DAP3: variants seen among roughly 807,000 people sequenced by gnomAD.
The protein encoded by DAP3 is death associated protein 3, also known as small ribosomal subunit protein mS29.
Under a neutral mutation model 51.9 loss-of-function variants are expected in DAP3, and 28 were observed. The observed-to-expected ratio is 0.54, with a 90% CI of 0.40 to 0.74. The LOEUF (loss-of-function observed/expected upper bound fraction) is 0.74. Ranked by LOEUF, DAP3 falls within the 30% of genes least tolerant of loss-of-function variation. The pLI is 0.00. For missense variants in DAP3, 458 were observed against 483.5 expected (o/e 0.95, Z 0.49); for synonymous variants, 170 against 170.3 (o/e 1.00, Z 0.01).
At chr1:155,715,510 A>G (rs1481142258) in intron 2 of DAP3, among the ~76,000 whole-genome samples, 2 of 145,792 alleles carry the variant, frequency 1.4e-5, no homozygotes, top group Admixed American at 1.4e-4. Flanking sequence ...TGACAGAGCA[A>G]GACCCTGTCT....
In DAP3 at chr1:155,729,100, C is replaced by G. The variant is rs748394462; in HGVS notation, c.662C>G (p.Pro221Arg). ...AGAGAAAGCACTGAGAAAGGGAGTC[C>G]TCTGGGAGAAGTGGTTGAACAGGTA... The part of the protein sequence containing the change: ...NKRESTEKGS[P>R]LGEVVEQGIT... The change falls in exon 8 of 13, where the codon CCT becomes CGT. Residue 221 changes from proline (P) to arginine (R), a missense_variant. Physicochemically the swap from Pro to Arg is moderately radical, Grantham distance 103. Coordinates refer to ENST00000368336, the MANE Select transcript of DAP3 (RefSeq NM_004632.4). 1 of 1,614,018 alleles carries G rather than the reference C, an allele frequency of 6.2e-7. No individual in the cohort carries two copies. Among genetic ancestry groups the G allele is most frequent in the Non-Finnish European group, 8.5e-7 (1 of 1,180,006 alleles).
At position 155,721,432 on chromosome 1, in the gene DAP3, A is replaced by G. The variant is rs989385343; in HGVS notation, c.169-85A>G. On this transcript the variant is annotated intron_variant, in intron 3 of 12. Coordinates refer to ENST00000368336, the MANE Select transcript of DAP3 (RefSeq NM_004632.4). Reference sequence around the variant, plus strand: ...TATATATATATACACATAGACATACATATATACACACACATAGATAAGACA... The same window carrying G: ...TATATATATATACACATAGACATACGTATATACACACACATAGATAAGACA... 82 of 951,266 alleles carry G rather than the reference A, an allele frequency of 8.6e-5. No individual in the cohort carries two copies. In the African/African-American group the frequency reaches 1.3e-3, roughly 15 times the overall value. The allele number at this position is 951,266 out of a possible 1,614,324, so 58.9% of individuals were successfully genotyped here.
At chr1:155,717,651 G>C (rs1032378492) in intron 3 of DAP3, among the ~76,000 whole-genome samples, 1 of 152,136 alleles carries the variant, frequency 6.6e-6, no homozygotes, top group Non-Finnish European at 1.5e-5. Flanking sequence ...CTGGTATGGA[G>C]AGTACTAAAG....
upstream of DAP3, chr1:155,688,959 G>C (rs1653220779): frequency 6.2e-7 from 1 of 1,610,978 alleles, no homozygotes; most frequent in Non-Finnish European, 8.5e-7. Context: ...CGGCGCTGCG[G>C]CTCGCCTCCT....
At chr1:155,688,559 G>A, upstream of DAP3, 1 of 1,538,434 alleles carries the variant, frequency 6.5e-7, no homozygotes, top group Non-Finnish European at 8.7e-7. Context: ...CTGCGAGCCA[G>A]CCATCCCGTA....
chr1:155,709,664 A>G (rs1217434302), intron 1 of DAP3, 109 bp from the exon 2 acceptor site: 7 of 799,390 alleles, frequency 8.8e-6, no homozygotes, highest in African/African-American at 1.7e-5. Flanking sequence ...TATATTCTAG[A>G]TATTAATATA....
intron 3 of DAP3, among the ~76,000 whole-genome samples, chr1:155,718,340 C>T (rs1426975655): frequency 2.6e-5 from 4 of 151,816 alleles, no homozygotes; most frequent in Non-Finnish European, 4.4e-5. Flanking sequence ...GAGCCAAGAT[C>T]GCGCCACTGC....
Position 155,730,252 on chromosome 1 carries a change from TATATGCACACATACATATTCGTATATGC to T in DAP3, c.843+913_843+940del, listed in dbSNP as rs1277555310. 4.0e-5 allele frequency among the ~76,000 whole-genome samples: 6 copies of T among 149,600 alleles called. No individual in the cohort carries two copies. The South Asian group carries it at 1.3e-3, about 31-fold the overall frequency. On this transcript the variant is annotated intron_variant, in intron 9 of 12. Coordinates refer to ENST00000368336, the MANE Select transcript of DAP3 (RefSeq NM_004632.4). ...ATATGTATATATGTATATATACGTA[TATATGCACACATACATATTCGTATATGC>T]ATATGCACACATACATATTCGTATA... is the stretch of plus-strand genomic sequence containing the variant.
chr1:155,725,899 A>G (rs775378959), intron 5 of DAP3, 28 bp from the exon 6 acceptor site: 1 of 1,599,026 alleles, frequency 6.3e-7, no homozygotes, highest in Non-Finnish European at 8.6e-7. Context: ...CCTTCCAGTC[A>G]TGTTTTCTTT....
intron 1 of DAP3, among the ~76,000 whole-genome samples, chr1:155,693,388 T>A (rs1558331774): frequency 7.0e-6 from 1 of 141,882 alleles, no homozygotes; most frequent in East Asian, 1.9e-4. Flanking sequence ...AATATGAGAT[T>A]GGGCCATCAT....
chr1:155,701,052 G>A (rs1311917563), intron 1 of DAP3, among the ~76,000 whole-genome samples: 1 of 93,934 alleles, frequency 1.1e-5, no homozygotes, highest in Non-Finnish European at 1.9e-5. Context: ...GGAGGGAGGT[G>A]GGGGGGGGTC....
At chr1:155,705,613 A>T (rs1446368938) in intron 1 of DAP3, among the ~76,000 whole-genome samples, 2 of 151,132 alleles carry the variant, frequency 1.3e-5, no homozygotes, top group East Asian at 3.8e-4. Context: ...AAAAAAAAAA[A>T]GAAAGAAAAA....
At chr1:155,721,784 C>T (rs978015771) in intron 4 of DAP3, 166 bp downstream of exon 4, 7 of 603,270 alleles carry the variant, frequency 1.2e-5, no homozygotes, top group Non-Finnish European at 2.1e-5. Context: ...ACTTTAAGCT[C>T]ATGTTTAAAC....
chr1:155,721,388 A>ATATG (rs922471857), intron 3 of DAP3, 129 bp from the exon 4 acceptor site: 3 of 418,338 alleles, frequency 7.2e-6, no homozygotes, highest in South Asian at 7.3e-5. Flanking sequence ...GTGTATATAT[A>ATATG]TATGTATGTA....
At chr1:155,705,029 T>C (rs1571461597) in intron 1 of DAP3, among the ~76,000 whole-genome samples, 1 of 152,226 alleles carries the variant, frequency 6.6e-6, no homozygotes, top group East Asian at 1.9e-4. Flanking sequence ...CGATGGCTCA[T>C]ACCTGTAATC....
intron 3 of DAP3, among the ~76,000 whole-genome samples, chr1:155,720,765 G>A (rs920766919): frequency 6.6e-6 from 1 of 152,140 alleles, no homozygotes; most frequent in African/African-American, 2.4e-5. Context: ...TGGGCTAGGC[G>A]CTGTGGCTCA....
In DAP3 at chr1:155,714,763, AAG is replaced by A. The variant is rs1571499733; in HGVS notation, c.46-2241_46-2240del. On this transcript the variant is annotated intron_variant, in intron 2 of 12. Coordinates refer to ENST00000368336, the MANE Select transcript of DAP3 (RefSeq NM_004632.4). ...AGAGTGAGACTCCGTCTCAAAAAAA[AAG>A]AAAAACAAAAGTGATGGGTACAATA... Among the ~76,000 whole-genome samples, 4 of 152,234 alleles carry A rather than the reference AAG, an allele frequency of 2.6e-5. No individual in the cohort carries two copies. In the East Asian group the frequency reaches 7.8e-4, roughly 30 times the overall value.
At position 155,698,900 on chromosome 1, in the gene DAP3, TTGTC is replaced by T. The variant is rs1435956198; in HGVS notation, c.-8+9731_-8+9734del. ...AAACTTTTTCGTCTTTGGGAGTCCT[TTGTC>T]TGTCGGTCCTCCATTTCACACGCTT... On this transcript the variant is annotated intron_variant, in intron 1 of 12. Transcript: ENST00000368336. Among the ~76,000 whole-genome samples, 11 of 152,304 alleles carry T rather than the reference TTGTC, an allele frequency of 7.2e-5. No homozygotes were observed. The South Asian group carries it at 1.9e-3, about 26-fold the overall frequency.
rs1013685020 is a variant in DAP3 at position 155,716,638 on chromosome 1, T to A, written c.46-368T>A. On this transcript the variant is annotated intron_variant, in intron 2 of 12. Coordinates refer to ENST00000368336, the MANE Select transcript of DAP3 (RefSeq NM_004632.4). ...GCAGACATGGCTCACCTTCTCAGTG[T>A]TTTGGCAAGCATAAAAAGTTTGATT... Among the ~76,000 whole-genome samples the A allele has an allele frequency of 4.6e-4, 69 of 149,360 alleles. 1 individual carries two copies. The Admixed American group carries it at 4.6e-3, about 10-fold the overall frequency.
Sources: gnomAD v4.1 joint callset for allele counts (sites outside exome capture counted in the v4.1 genomes callset) on GRCh38, gnomAD v4.1.1 for gene constraint, MANE v1.5 for transcripts, NCBI Gene and HGNC (gene_info 2026-07-23, HGNC 2026-07-21) for gene names.